The following CERS6 variants were observed in gnomAD, a reference collection of about 807,000 sequenced individuals.
CERS6 encodes the protein ceramide synthase 6.
CERS6 carries 26 observed loss-of-function variants against 56.8 expected under a neutral mutation model. The ratio of observed to expected loss-of-function variants is 0.46; its 90% CI spans 0.34 to 0.63. The LOEUF is 0.63. Ranked by LOEUF, CERS6 falls within the 30% of genes least tolerant of loss-of-function variation. CERS6 has a pLI of 0.01. For synonymous variants in CERS6, 164 were observed against 173.3 expected (o/e 0.95, Z 0.42); for missense variants, 415 against 467.5 (o/e 0.89, Z 1.04).
At chr2:168,744,827 A>T (rs1294895764) in intron 8 of CERS6, among the ~76,000 whole-genome samples, 1 of 152,220 alleles carries the variant, frequency 6.6e-6, no homozygotes, top group African/African-American at 2.4e-5. Flanking sequence ...ATGAGTACTG[A>T]TGGGAAATAG....
intron 5 of CERS6, among the ~76,000 whole-genome samples, chr2:168,692,359 A>G (rs1686527336): frequency 6.6e-6 from 1 of 152,190 alleles, no homozygotes; most frequent in South Asian, 2.1e-4. Context: ...ATGAAAGTAC[A>G]CACAAGTGCC....
At chr2:168,753,056 C>T (rs1231348044) in intron 8 of CERS6, among the ~76,000 whole-genome samples, 1 of 152,112 alleles carries the variant, frequency 6.6e-6, no homozygotes, top group Non-Finnish European at 1.5e-5. Flanking sequence ...TTCATAAGGT[C>T]GTTTATGTTA....
At chr2:168,593,242 C>G (rs376163703) in intron 3 of CERS6, among the ~76,000 whole-genome samples, 18 of 152,288 alleles carry the variant, frequency 1.2e-4, no homozygotes, top group East Asian at 1.2e-3. Flanking sequence ...CCAGCAAAGC[C>G]TCTTTGACCG....
chr2:168,571,110 G>T (rs1264587372), intron 3 of CERS6, among the ~76,000 whole-genome samples: 2 of 152,124 alleles, frequency 1.3e-5, no homozygotes, highest in Non-Finnish European at 2.9e-5. Context: ...TTACATTTTA[G>T]ATTGTTGAAA....
At chr2:168,654,514 G>T (rs1256923718) in intron 4 of CERS6, among the ~76,000 whole-genome samples, 1 of 152,156 alleles carries the variant, frequency 6.6e-6, no homozygotes, top group Non-Finnish European at 1.5e-5. Context: ...CTGCACTCCA[G>T]CCTGGGTGAC....
rs143724879 is a variant in CERS6 at position 168,742,266 on chromosome 2, C to G, written c.846-23326C>G. Among the ~76,000 whole-genome samples the G allele has an allele frequency of 5.8e-3, 878 of 152,162 alleles. 4 individuals carry two copies. The highest frequency in any genetic ancestry group is 8.4e-3 in the Non-Finnish European group (572 of 68,006). The stretch of plus-strand genomic sequence containing the variant: ...TCTTATTCTTTTTTCTGTTGCATGT[C>G]TAAAGTTTTTGCTAAAACTAAAGTC... On this transcript the variant is annotated intron_variant, in intron 8 of 9. Coordinates refer to ENST00000305747, the MANE Select transcript of CERS6 (RefSeq NM_203463.3).
chr2:168,677,834 G>T (rs1321289066), intron 4 of CERS6, among the ~76,000 whole-genome samples: 1 of 151,972 alleles, frequency 6.6e-6, no homozygotes, highest in African/African-American at 2.4e-5. Flanking sequence ...AATCTTTTGG[G>T]TATATTTACA....
At chr2:168,744,247 C>T (rs1418053516) in intron 8 of CERS6, among the ~76,000 whole-genome samples, 7 of 152,128 alleles carry the variant, frequency 4.6e-5, no homozygotes, top group African/African-American at 1.7e-4. Flanking sequence ...CCTCATGATC[C>T]GCCCACCTCG....
intron 3 of CERS6, among the ~76,000 whole-genome samples, chr2:168,624,161 A>G (rs1684537772): frequency 6.6e-6 from 1 of 152,194 alleles, no homozygotes; most frequent in South Asian, 2.1e-4. Flanking sequence ...AGCTCTGAAT[A>G]GGATTTTAGC....
At chr2:168,510,863 G>GTAAAA (rs971639605) in intron 1 of CERS6, among the ~76,000 whole-genome samples, 3 of 152,030 alleles carry the variant, frequency 2.0e-5, no homozygotes, top group Non-Finnish European at 4.4e-5. Context: ...TTTATAAAAG[G>GTAAAA]TAAAATAAAA....
intron 3 of CERS6, among the ~76,000 whole-genome samples, chr2:168,623,724 A>G (rs1367264562): frequency 6.6e-6 from 1 of 152,232 alleles, no homozygotes; most frequent in East Asian, 1.9e-4. Flanking sequence ...TTTGATATTT[A>G]TACATTAAAG....
chr2:168,682,413 A>AAT (rs1359169106), intron 4 of CERS6, among the ~76,000 whole-genome samples: 2 of 152,196 alleles, frequency 1.3e-5, no homozygotes, highest in Non-Finnish European at 2.9e-5. Flanking sequence ...TGTGTGTCTA[A>AAT]ATATATATCT....
At chr2:168,503,783 GC>G (rs1694627911) in intron 1 of CERS6, among the ~76,000 whole-genome samples, 1 of 152,128 alleles carries the variant, frequency 6.6e-6, no homozygotes, top group Non-Finnish European at 1.5e-5. Context: ...GTCTTTGAAG[GC>G]CTGTTAGTTT....
chr2:168,673,043 T>G (rs897360741), intron 4 of CERS6, among the ~76,000 whole-genome samples: 15 of 152,248 alleles, frequency 9.9e-5, no homozygotes. Flanking sequence ...CCAGTTGTCT[T>G]ATTAGTATTG....
chr2:168,611,442 T>TA (rs1684185534), intron 3 of CERS6, among the ~76,000 whole-genome samples: 1 of 152,232 alleles, frequency 6.6e-6, no homozygotes, highest in Non-Finnish European at 1.5e-5. Context: ...TTAAAGGTCT[T>TA]ACATGATGAC....
chr2:168,746,775 GTATATATATATA>G lies in CERS6; in HGVS notation c.846-18782_846-18771del, dbSNP rs71003053. Among the ~76,000 whole-genome samples, 227 of 39,022 alleles carry G rather than the reference GTATATATATATA, an allele frequency of 5.8e-3. 2 individuals are homozygous for G. The highest frequency in any genetic ancestry group is 0.033 in the South Asian group (24 of 736). 25.6% of individuals were successfully genotyped at this position (39,022 alleles called of 152,430 possible). A position where few individuals can be genotyped will look rare whatever the true frequency, so the allele number is the denominator to read the frequency against. ...CCAAACTGATTTAAAAGGGTAAAGG[GTATATATATATA>G]TATATATATATATATATATATATAT... On this transcript the variant is annotated intron_variant, in intron 8 of 9. Coordinates refer to ENST00000305747, the MANE Select transcript of CERS6 (RefSeq NM_203463.3).
In CERS6 at chr2:168,681,753, A is replaced by ATTTT. The variant is rs573550841; in HGVS notation, c.466-9280_466-9277dup. Among the ~76,000 whole-genome samples the ATTTT allele has an allele frequency of 2.4e-3, 372 of 152,184 alleles. 1 individual carries two copies. The highest frequency in any genetic ancestry group is 8.8e-3 in the African/African-American group (364 of 41,538). Reference sequence around the variant, plus strand: ...AGGACTGTTCTTCCTTTCTAGCTATATTTTGTATCCACTAACCAGCTTCTG... The same window carrying ATTTT: ...AGGACTGTTCTTCCTTTCTAGCTATATTTTTTTTGTATCCACTAACCAGCTTCTG... On this transcript the variant is annotated intron_variant, in intron 4 of 9. Transcript: ENST00000305747.
At chr2:168,560,754 A>G (rs1342708588) in intron 2 of CERS6, among the ~76,000 whole-genome samples, 1 of 152,102 alleles carries the variant, frequency 6.6e-6, no homozygotes, top group Non-Finnish European at 1.5e-5. Flanking sequence ...TTATCCTGAT[A>G]TGTGATGATT....
intron 8 of CERS6, among the ~76,000 whole-genome samples, chr2:168,753,281 C>A (rs2105448266): frequency 6.6e-6 from 1 of 152,250 alleles, no homozygotes; most frequent in Admixed American, 6.5e-5. Flanking sequence ...CCAGGCACAG[C>A]CATCGTATTC....
Sources: allele counts gnomAD v4.1 joint callset (sites outside exome capture counted in the v4.1 genomes callset), GRCh38; gene constraint gnomAD v4.1.1; transcripts MANE v1.5; gene names NCBI Gene and HGNC (gene_info 2026-07-23, HGNC 2026-07-21).